The following HYPK variants were observed in gnomAD, a reference collection of about 807,000 sequenced individuals.
HYPK encodes the protein huntingtin interacting protein K.
In HYPK, 9 loss-of-function variants were observed where a neutral mutation model predicts 13.9. That is an observed-to-expected ratio of 0.65 (90% CI 0.39 to 1.13). The LOEUF is 1.13. Among genes scored for constraint, HYPK ranks in the 50% most tolerant of loss-of-function variants. The pLI, the probability that HYPK is intolerant of heterozygous loss-of-function variation, is 0.01. For missense variants in HYPK, 138 were observed against 157.6 expected, an observed-to-expected ratio of 0.88 and a Z score of 0.67; for synonymous variants, 76 against 57.0, an observed-to-expected ratio of 1.33 and a Z score of -1.50.
intron 3 of HYPK, 45 bp downstream of exon 3, chr15:43,801,614 C>G (rs746173962): frequency 6.2e-7 from 1 of 1,607,526 alleles, no homozygotes. Context: ...GGAGGCTATT[C>G]TGCTTAATTT....
chr15:43,800,859 G>A, intron 1 of HYPK, 75 bp downstream of exon 1: 1 of 1,368,900 alleles, frequency 7.3e-7, no homozygotes, highest in Non-Finnish European at 9.9e-7. Context: ...GGAAGCCAGC[G>A]CTCCAAGACG....
Position 43,803,459 on chromosome 15 carries a change from C to T in HYPK, c.*1653C>T, listed in dbSNP as rs192838569. On this transcript the variant is annotated 3_prime_UTR_variant, in exon 4 of 4. Coordinates refer to ENST00000442995, the MANE Select transcript of HYPK (RefSeq NM_016400.4). ...TCTAAGCCATAATACATTCTACATG[C>T]CATTTCCTATCCTAGAGAGAAGGTA... is the stretch of plus-strand genomic sequence containing the variant. Among the ~76,000 whole-genome samples, 3 of 152,156 alleles carry T rather than the reference C, an allele frequency of 2.0e-5. No homozygotes were observed. Among genetic ancestry groups the T allele is most frequent in the African/African-American group, 4.8e-5 (2 of 41,522 alleles).
chr15:43,801,152 CAGA>C lies in HYPK; in HGVS notation c.186_188del (p.Arg63del). The C allele has an allele frequency of 6.2e-7, 1 of 1,613,964 alleles. No individual in the cohort carries two copies. Among genetic ancestry groups the C allele is most frequent in the Non-Finnish European group, 8.5e-7 (1 of 1,179,976 alleles). ...CATAGGCCATGTCTGTGATTGGAGA[CAGA>C]AGGTCCCGGGAGCAGAAAGCCAAAC... is the stretch of plus-strand genomic sequence containing the variant. On this transcript the variant is annotated inframe_deletion, in exon 2 of 4. Transcript: ENST00000442995.
rs1289292013 is a variant in HYPK at position 43,801,999 on chromosome 15, TAGA to T, written c.*198_*200del. 7 of 594,876 alleles carry T rather than the reference TAGA, an allele frequency of 1.2e-5. No homozygotes were observed. The highest frequency in any genetic ancestry group is 2.8e-5 in the East Asian group (1 of 35,414). The allele number at this position is 594,876 out of a possible 1,614,324, so 36.8% of individuals were successfully genotyped here. On this transcript the variant is annotated 3_prime_UTR_variant, in exon 4 of 4. Transcript: ENST00000442995. ...AGCACACCTGTATGAAAAATCAGTG[TAGA>T]AGAATACCTCATGTGCAGATGCTAG...
In HYPK at chr15:43,802,474, A is replaced by C. The variant is rs1207411918; in HGVS notation, c.*668A>C. On this transcript the variant is annotated 3_prime_UTR_variant, in exon 4 of 4. Coordinates refer to ENST00000442995, the MANE Select transcript of HYPK (RefSeq NM_016400.4). ...AGCTATTCTGGAGGCTGAGGCAGGA[A>C]TCGCTTGAAATTGGAAAGCAGAGGT... 6.6e-6 allele frequency: 1 copy of C among 150,456 alleles called. No homozygotes were observed. Among genetic ancestry groups the C allele is most frequent in the Non-Finnish European group, 1.5e-5 (1 of 67,882 alleles). The allele number at this position is 150,456 out of a possible 1,614,324, so 9.3% of individuals were successfully genotyped here.
At position 43,800,679 on chromosome 15, in the gene HYPK, G is replaced by A. The variant is rs2087300794; in HGVS notation, c.57G>A (p.Glu19=). The change falls in exon 1 of 4, where the codon GAG becomes GAA. Residue 19 remains glutamate, a synonymous_variant. Coordinates refer to ENST00000442995, the MANE Select transcript of HYPK (RefSeq NM_016400.4). ...TGGAGACTGAGACCAGTGGACCAGAGCGGCCTCCGGAGAAGCCACGGAAAC... is the reference window on the plus strand; with the variant it reads ...TGGAGACTGAGACCAGTGGACCAGAACGGCCTCCGGAGAAGCCACGGAAAC... ...LELETETSGP[E]RPPEKPRKHD... 2 of 1,614,142 alleles carry A rather than the reference G, an allele frequency of 1.2e-6. No individual in the cohort carries two copies. Among genetic ancestry groups the A allele is most frequent in the Non-Finnish European group, 1.7e-6 (2 of 1,180,022 alleles).
At chr15:43,800,584 C>G (rs377040644), upstream of HYPK, 9 of 1,613,082 alleles carry the variant, frequency 5.6e-6, no homozygotes, top group East Asian at 4.5e-5. Context: ...CGGAAGTCGG[C>G]GTGAGGTGGG....
Position 43,803,704 on chromosome 15 carries a change from G to T in HYPK, c.*1898G>T, listed in dbSNP as rs913751553. 3.5e-5 allele frequency among the ~76,000 whole-genome samples: 5 copies of T among 141,774 alleles called. No individual in the cohort carries two copies. Among genetic ancestry groups the T allele is most frequent in the Non-Finnish European group, 6.1e-5 (4 of 65,934 alleles). 93.0% of individuals were successfully genotyped at this position (141,774 alleles called of 152,430 possible). A position where few individuals can be genotyped will look rare whatever the true frequency, so the allele number is the denominator to read the frequency against. On this transcript the variant is annotated 3_prime_UTR_variant, in exon 4 of 4. Transcript: ENST00000442995. ...AGCTACTAGGGAGGCTGAGGCAGGA[G>T]AATCTCTTGAACCCAGGAGGTTGCA...
At position 43,801,955 on chromosome 15, in the gene HYPK, A is replaced by AAGTG; in HGVS notation, c.*151_*154dup. ...TATATGTTGGAGACTAACTGAATTT[A>AAGTG]AGTGACCCATTAAAATCTAGCACAC... is the stretch of plus-strand genomic sequence containing the variant. On this transcript the variant is annotated 3_prime_UTR_variant, in exon 4 of 4. Transcript: ENST00000442995. 1 of 652,114 alleles carries AAGTG rather than the reference A, an allele frequency of 1.5e-6. No homozygotes were observed. Among genetic ancestry groups the AAGTG allele is most frequent in the Non-Finnish European group, 2.6e-6 (1 of 379,880 alleles). 40.4% of individuals were successfully genotyped at this position (652,114 alleles called of 1,614,324 possible).
chr15:43,802,278 A>T lies in HYPK; in HGVS notation c.*472A>T, dbSNP rs1161138950. 6.4e-6 allele frequency: 1 copy of T among 155,596 alleles called. No individual in the cohort carries two copies. The highest frequency in any genetic ancestry group is 1.4e-5 in the Non-Finnish European group (1 of 70,218). The allele number at this position is 155,596 out of a possible 1,614,324, so 9.6% of individuals were successfully genotyped here. A position where few individuals can be genotyped will look rare whatever the true frequency, so the allele number is the denominator to read the frequency against. On this transcript the variant is annotated 3_prime_UTR_variant, in exon 4 of 4. Transcript: ENST00000442995. Reference sequence around the variant, plus strand: ...CTTGATTTTGAGTGATTAAAAAAAAATAATTTGGCTGGGTGCTGTGGCTCA... The same window carrying T: ...CTTGATTTTGAGTGATTAAAAAAAATTAATTTGGCTGGGTGCTGTGGCTCA...
intron 3 of HYPK, 65 bp downstream of exon 3, chr15:43,801,634 C>T (rs1032126731): frequency 3.7e-6 from 6 of 1,608,522 alleles, no homozygotes; most frequent in Admixed American, 3.3e-5. Flanking sequence ...TGGGTTGTTT[C>T]CTGAAACAAG....
intron 1 of HYPK, 93 bp downstream of exon 1, chr15:43,800,877 G>C: frequency 8.0e-7 from 1 of 1,252,470 alleles, no homozygotes; most frequent in Non-Finnish European, 1.1e-6. Context: ...ACGGGGTTCT[G>C]ATCCCGTTGG....
Position 43,802,011 on chromosome 15 carries a change from T to G in HYPK, c.*205T>G, listed in dbSNP as rs2087323730. 1.7e-6 allele frequency: 1 copy of G among 578,234 alleles called. No individual in the cohort carries two copies. The highest frequency in any genetic ancestry group is 2.9e-5 in the East Asian group (1 of 34,390). 35.8% of individuals were successfully genotyped at this position (578,234 alleles called of 1,614,324 possible). A position where few individuals can be genotyped will look rare whatever the true frequency, so the allele number is the denominator to read the frequency against. On this transcript the variant is annotated 3_prime_UTR_variant, in exon 4 of 4. Coordinates refer to ENST00000442995, the MANE Select transcript of HYPK (RefSeq NM_016400.4). Reference sequence around the variant, plus strand: ...TGAAAAATCAGTGTAGAAGAATACCTCATGTGCAGATGCTAGGTGGCAGGC... The same window carrying G: ...TGAAAAATCAGTGTAGAAGAATACCGCATGTGCAGATGCTAGGTGGCAGGC...
intron 2 of HYPK, 62 bp from the exon 3 acceptor site, chr15:43,801,456 C>G (rs952656545): frequency 7.1e-7 from 1 of 1,411,726 alleles, no homozygotes; most frequent in Non-Finnish European, 1.0e-6. Flanking sequence ...GGGAATGACC[C>G]TTCCTGGGAG....
In HYPK at chr15:43,803,830, A is replaced by ATGT. The variant is rs1231810809; in HGVS notation, c.*2027_*2029dup. 9.9e-5 allele frequency among the ~76,000 whole-genome samples: 15 copies of ATGT among 151,026 alleles called. No homozygotes were observed. Among genetic ancestry groups the ATGT allele is most frequent in the Middle Eastern group, 7.1e-3 (2 of 280 alleles). ...AAAATCAGCTTGGACCAACTCACAC[A>ATGT]TGTTGAACTAGTTTCCTCAACTATA... On this transcript the variant is annotated 3_prime_UTR_variant, in exon 4 of 4. Coordinates refer to ENST00000442995, the MANE Select transcript of HYPK (RefSeq NM_016400.4).
chr15:43,800,795 C>G lies in HYPK; in HGVS notation c.162+11C>G, dbSNP rs769031170. On this transcript the variant is annotated intron_variant, in intron 1 of 3. Transcript: ENST00000442995. ...TCCAATCTGGAGACGGTAAGGTTGG[C>G]CAAGAGCATGTCGGGGCGGGCTGAG... The G allele has an allele frequency of 1.6e-5, 26 of 1,599,062 alleles. No individual in the cohort carries two copies. The highest frequency in any genetic ancestry group is 2.2e-5 in the Non-Finnish European group (26 of 1,170,806).
chr15:43,801,220 T>C (rs1444434187), intron 2 of HYPK, 33 bp downstream of exon 2: 6 of 1,574,124 alleles, frequency 3.8e-6, no homozygotes, highest in Middle Eastern at 1.7e-4. Flanking sequence ...CTTTAACAGT[T>C]CTTCCCTCCC....
At chr15:43,800,489 C>G (rs768383406), upstream of HYPK, 2 of 1,241,308 alleles carry the variant, frequency 1.6e-6, no homozygotes, top group Non-Finnish European at 2.3e-6. Flanking sequence ...GCCTTCCTCC[C>G]TGAAGCTTCT....
rs568063803 is a variant in HYPK, at chr15:43,800,673, A to G, written c.51A>G (p.Gly17=). The change falls in exon 1 of 4, where the codon GGA becomes GGG. Residue 17 remains glycine, a synonymous_variant. Transcript: ENST00000442995. The part of the protein sequence containing the change: ...VELELETETS[G]PERPPEKPRK... ...TGGAGTTGGAGACTGAGACCAGTGG[A>G]CCAGAGCGGCCTCCGGAGAAGCCAC... 95 of 1,614,104 alleles carry G rather than the reference A, an allele frequency of 5.9e-5. No homozygotes were observed. In the South Asian group the frequency reaches 1.0e-3, roughly 17 times the overall value.
Sources: allele counts gnomAD v4.1 joint callset (sites outside exome capture counted in the v4.1 genomes callset), GRCh38; gene constraint gnomAD v4.1.1; transcripts MANE v1.5; gene names NCBI Gene and HGNC (gene_info 2026-07-23, HGNC 2026-07-21).